GRIA4: variants seen among roughly 807,000 people sequenced by gnomAD.
The protein encoded by GRIA4 is glutamate ionotropic receptor AMPA type subunit 4, also known as glutamate receptor 4.
In GRIA4, 34 loss-of-function variants were observed where a neutral mutation model predicts 104.0. The ratio of observed to expected loss-of-function variants is 0.33; its 90% CI spans 0.25 to 0.44. The LOEUF is 0.44. Ranked by LOEUF, GRIA4 falls within the 20% of genes least tolerant of loss-of-function variation. The pLI, the probability that GRIA4 is intolerant of heterozygous loss-of-function variation, is 1.00. For missense variants in GRIA4, 750 were observed against 1,096.5 expected (o/e 0.68, Z 4.46); for synonymous variants, 386 against 381.9 (o/e 1.01, Z -0.13).
At chr11:105,765,899 T>A (rs1940912668) in intron 4 of GRIA4, among the ~76,000 whole-genome samples, 1 of 152,178 alleles carries the variant, frequency 6.6e-6, no homozygotes, top group African/African-American at 2.4e-5. Flanking sequence ...AATAGAATTG[T>A]CTTATGTGAA....
intron 4 of GRIA4, among the ~76,000 whole-genome samples, chr11:105,787,115 C>A (rs1398369527): frequency 6.6e-6 from 1 of 152,168 alleles, no homozygotes; most frequent in Non-Finnish European, 1.5e-5. Context: ...AAGCCAAAGA[C>A]AACTAATTGA....
At chr11:105,807,198 G>C (rs905780202) in intron 4 of GRIA4, among the ~76,000 whole-genome samples, 1 of 151,840 alleles carries the variant, frequency 6.6e-6, no homozygotes, top group Non-Finnish European at 1.5e-5. Flanking sequence ...TGCTTTCAGA[G>C]AGGGTAGTAA....
chr11:105,776,612 A>G (rs1014610535), intron 4 of GRIA4, among the ~76,000 whole-genome samples: 1 of 152,186 alleles, frequency 6.6e-6, no homozygotes, highest in Non-Finnish European at 1.5e-5. Context: ...AATGCTCAAC[A>G]AACACATATA....
chr11:105,611,642 A>T (rs1950484625), intron 2 of GRIA4, among the ~76,000 whole-genome samples: 1 of 151,898 alleles, frequency 6.6e-6, no homozygotes, highest in African/African-American at 2.4e-5. Flanking sequence ...TTCTTCTTGA[A>T]GCTTTTGCCC....
At chr11:105,905,346 T>C (rs745512384) in intron 9 of GRIA4, 45 bp downstream of exon 9, 10 of 1,048,222 alleles carry the variant, frequency 9.5e-6, no homozygotes, top group Admixed American at 5.2e-5. Flanking sequence ...TGTTTCTTAG[T>C]TTGTATGTAA....
intron 14 of GRIA4, among the ~76,000 whole-genome samples, chr11:105,969,893 T>C (rs1486208782): frequency 6.6e-6 from 1 of 152,134 alleles, no homozygotes; most frequent in Non-Finnish European, 1.5e-5. Flanking sequence ...TTTACAGAGA[T>C]AAATGAGATG....
At chr11:105,964,938 C>T (rs1413155500) in intron 14 of GRIA4, among the ~76,000 whole-genome samples, 1 of 152,122 alleles carries the variant, frequency 6.6e-6, no homozygotes, top group African/African-American at 2.4e-5. Context: ...TCCTGAGTAG[C>T]TGGGATTACA....
chr11:105,972,089 G>T, intron 15 of GRIA4, 61 bp downstream of exon 15: 1 of 986,272 alleles, frequency 1.0e-6, no homozygotes, highest in Non-Finnish European at 1.6e-6. Context: ...GGGAGCAATT[G>T]TCAAAAGTAT....
At chr11:105,768,046 C>T (rs553103820) in intron 4 of GRIA4, among the ~76,000 whole-genome samples, 1 of 152,170 alleles carries the variant, frequency 6.6e-6, no homozygotes, top group South Asian at 2.1e-4. Flanking sequence ...GAGAACCAGT[C>T]ACAGATCCAA....
chr11:105,834,766 G>C (rs764800415), intron 4 of GRIA4, among the ~76,000 whole-genome samples: 1 of 143,330 alleles, frequency 7.0e-6, no homozygotes, highest in African/African-American at 2.6e-5. Context: ...AATAAGTTCA[G>C]TTCCCTGTGG....
intron 4 of GRIA4, among the ~76,000 whole-genome samples, chr11:105,833,974 G>C (rs1263261592): frequency 6.6e-6 from 1 of 151,868 alleles, no homozygotes; most frequent in Non-Finnish European, 1.5e-5. Flanking sequence ...TTCCATTCCA[G>C]AATATTTTAT....
At chr11:105,674,720 G>C (rs1180473439) in intron 3 of GRIA4, among the ~76,000 whole-genome samples, 5 of 151,844 alleles carry the variant, frequency 3.3e-5, no homozygotes, top group Non-Finnish European at 7.4e-5. Context: ...TTTGGATCCA[G>C]AGGAAAACCT....
intron 3 of GRIA4, among the ~76,000 whole-genome samples, chr11:105,723,627 T>G (rs896902056): frequency 2.0e-5 from 3 of 152,102 alleles, no homozygotes; most frequent in Non-Finnish European, 4.4e-5. Context: ...AACCTCAGCT[T>G]CCTCGTCATC....
chr11:105,658,638 C>A lies in GRIA4; in HGVS notation c.247+46204C>A, dbSNP rs59089440. On this transcript the variant is annotated intron_variant, in intron 3 of 16. Coordinates refer to ENST00000282499, the MANE Select transcript of GRIA4 (RefSeq NM_000829.4). The stretch of plus-strand genomic sequence containing the variant: ...GGAAAAATACTCATAAACAAAGTGG[C>A]AAGTGAGAGAAATTATTTTGGGAGT... Among the ~76,000 whole-genome samples, 37 of 151,704 alleles carry A rather than the reference C, an allele frequency of 2.4e-4. No homozygotes were observed. The East Asian group carries it at 7.0e-3, about 29-fold the overall frequency.
At position 105,731,166 on chromosome 11, in the gene GRIA4, TAAAC is replaced by T. The variant is rs569882609; in HGVS notation, c.248-21811_248-21808del. ...CAGTATCCAGAATCTACAAGGAACTTAAACAAATTTACAAGAAAAAAACAAACAG... is the reference window on the plus strand; with the variant it reads ...CAGTATCCAGAATCTACAAGGAACTTAAATTTACAAGAAAAAAACAAACAG... On this transcript the variant is annotated intron_variant, in intron 3 of 16. Coordinates refer to ENST00000282499, the MANE Select transcript of GRIA4 (RefSeq NM_000829.4). Among the ~76,000 whole-genome samples the T allele has an allele frequency of 2.9e-3, 448 of 152,138 alleles. 6 individuals are homozygous for T. Among genetic ancestry groups the T allele is most frequent in the African/African-American group, 0.011 (440 of 41,506 alleles).
At chr11:105,815,682 A>T (rs919218208) in intron 4 of GRIA4, among the ~76,000 whole-genome samples, 16 of 152,206 alleles carry the variant, frequency 1.1e-4, no homozygotes, top group African/African-American at 3.6e-4. Context: ...GACCAAAAAA[A>T]AAAATGTGGA....
intron 4 of GRIA4, among the ~76,000 whole-genome samples, chr11:105,847,506 G>C (rs1446084507): frequency 6.6e-6 from 1 of 152,138 alleles, no homozygotes; most frequent in Non-Finnish European, 1.5e-5. Context: ...TACAAAGATA[G>C]CAGGTAATTC....
chr11:105,730,926 T>C (rs920021015), intron 3 of GRIA4, among the ~76,000 whole-genome samples: 2 of 152,100 alleles, frequency 1.3e-5, no homozygotes, highest in African/African-American at 2.4e-5. Context: ...ATAAAAACCC[T>C]AGAAGAAAAC....
At chr11:105,756,523 T>C (rs139486520) in intron 4 of GRIA4, among the ~76,000 whole-genome samples, 1 of 152,164 alleles carries the variant, frequency 6.6e-6, no homozygotes, top group African/African-American at 2.4e-5. Flanking sequence ...TACATATAAA[T>C]TTAGAAAAAG....
Sources: gnomAD v4.1 joint callset for allele counts (sites outside exome capture counted in the v4.1 genomes callset) on GRCh38, gnomAD v4.1.1 for gene constraint, MANE v1.5 for transcripts, NCBI Gene and HGNC (gene_info 2026-07-23, HGNC 2026-07-21) for gene names.